Variants in SORCS2 observed in about 807,000 individuals in gnomAD.
SORCS2 encodes VPS10 domain-containing receptor SorCS2.
In SORCS2, 100 loss-of-function variants were observed where a neutral mutation model predicts 141.6. That is an observed-to-expected ratio of 0.71 (90% CI 0.60 to 0.83). The LOEUF (loss-of-function observed/expected upper bound fraction) is 0.83. Among genes scored for constraint, SORCS2 ranks in the 40% least tolerant of loss-of-function variants. The pLI is 0.00. For missense variants in SORCS2, 1,646 were observed against 1,560.2 expected (o/e 1.05, Z -0.93); for synonymous variants, 789 against 676.9 (o/e 1.17, Z -2.57).
rs550797698 is a variant in SORCS2 at position 7,374,598 on chromosome 4, C to T, written c.481-21690C>T. On this transcript the variant is annotated intron_variant, in intron 1 of 26. Transcript: ENST00000507866. ...GCCAAACTCACCTTTGTCTGTGCCACGTCCAGGCCTTGCCCCCATCCTTCC... is the reference window on the plus strand; with the variant it reads ...GCCAAACTCACCTTTGTCTGTGCCATGTCCAGGCCTTGCCCCCATCCTTCC... Among the ~76,000 whole-genome samples, 53 of 152,322 alleles carry T rather than the reference C, an allele frequency of 3.5e-4. 2 individuals carry two copies. In the South Asian group the frequency reaches 5.0e-3, roughly 14 times the overall value.
chr4:7,727,592 C>T (rs1486315828), intron 21 of SORCS2, among the ~76,000 whole-genome samples: 1 of 152,230 alleles, frequency 6.6e-6, no homozygotes, highest in African/African-American at 2.4e-5. Context: ...AGGCCCTTCA[C>T]ACCCTGGAGG....
intron 2 of SORCS2, among the ~76,000 whole-genome samples, chr4:7,466,467 C>T (rs918730564): frequency 6.6e-6 from 1 of 152,164 alleles, no homozygotes; most frequent in African/African-American, 2.4e-5. Flanking sequence ...GCAGGGGGTG[C>T]ATGGAGAGAA....
chr4:7,453,559 G>A (rs1224527765), intron 2 of SORCS2, among the ~76,000 whole-genome samples: 1 of 144,616 alleles, frequency 6.9e-6, no homozygotes, highest in African/African-American at 2.6e-5. Context: ...GCTGTGTGTT[G>A]GGGTCAGCTG....
intron 12 of SORCS2, among the ~76,000 whole-genome samples, chr4:7,697,650 T>C (rs1205435947): frequency 6.6e-6 from 1 of 152,142 alleles, no homozygotes; most frequent in Non-Finnish European, 1.5e-5. Flanking sequence ...ACATGGTGCT[T>C]CTGAGCCTTG....
Position 7,664,303 on chromosome 4 carries a change from C to T in SORCS2, c.953-50C>T. On this transcript the variant is annotated intron_variant, in intron 6 of 26. Coordinates refer to ENST00000507866, the MANE Select transcript of SORCS2 (RefSeq NM_020777.3). This position sits in a 1 kb window ranked among gnomAD's most constrained non-coding sequence, Gnocchi z 4.7. ...GTCCAGCACATGTCTCGGGCCGTCT[C>T]TGGCTCCGGCTGGAGTCTGACCGCC... 2.0e-6 allele frequency: 3 copies of T among 1,507,436 alleles called. No individual in the cohort carries two copies. The highest frequency in any genetic ancestry group is 2.3e-5 in the East Asian group (1 of 43,120). 93.4% of individuals were successfully genotyped at this position (1,507,436 alleles called of 1,614,324 possible). A position where few individuals can be genotyped will look rare whatever the true frequency, so the allele number is the denominator to read the frequency against.
intron 1 of SORCS2, among the ~76,000 whole-genome samples, chr4:7,365,613 G>A (rs1721833178): frequency 6.6e-6 from 1 of 152,204 alleles, no homozygotes; most frequent in South Asian, 2.1e-4. Flanking sequence ...TGCCATCAGT[G>A]TGGAATAAGA....
chr4:7,624,482 A>T (rs1411740800), intron 3 of SORCS2, among the ~76,000 whole-genome samples: 1 of 152,232 alleles, frequency 6.6e-6, no homozygotes, highest in Non-Finnish European at 1.5e-5. Context: ...CAGCAGCCAC[A>T]ATACTATCTT....
chr4:7,394,577 T>G, intron 1 of SORCS2, among the ~76,000 whole-genome samples: 1 of 149,032 alleles, frequency 6.7e-6, no homozygotes. Context: ...AGGCCCCAAA[T>G]GCTGGGGTTT....
intron 2 of SORCS2, among the ~76,000 whole-genome samples, chr4:7,450,508 C>G (rs573980363): frequency 2.1e-3 from 321 of 152,336 alleles, no homozygotes; most frequent in Non-Finnish European, 3.8e-3. Context: ...TGCCCCCATT[C>G]CAGGTCAGGC....
At chr4:7,715,346 C>G in intron 17 of SORCS2, 35 bp downstream of exon 17, 1 of 1,609,782 alleles carries the variant, frequency 6.2e-7, no homozygotes, top group African/African-American at 1.3e-5. Context: ...CTGCCTAAAT[C>G]CGGGGGCAGA....
intron 4 of SORCS2, among the ~76,000 whole-genome samples, chr4:7,641,822 G>T (rs1032557183): frequency 1.6e-4 from 19 of 119,966 alleles, no homozygotes; most frequent in Admixed American, 3.9e-4. Flanking sequence ...GGATGGGTGG[G>T]TGGATGGATG....
chr4:7,318,276 A>T (rs1438952179), intron 1 of SORCS2, among the ~76,000 whole-genome samples: 2 of 152,150 alleles, frequency 1.3e-5, no homozygotes, highest in Non-Finnish European at 2.9e-5. Context: ...TAGGTGCTGC[A>T]CCCTGGTCAC....
chr4:7,510,234 G>A (rs753911971), intron 2 of SORCS2, among the ~76,000 whole-genome samples: 4 of 152,232 alleles, frequency 2.6e-5, no homozygotes, highest in Non-Finnish European at 4.4e-5. Flanking sequence ...GCGGCCGGCG[G>A]GGCTGAGGCT....
intron 2 of SORCS2, among the ~76,000 whole-genome samples, chr4:7,486,481 A>G (rs1577644827): frequency 6.6e-6 from 1 of 151,646 alleles, no homozygotes; most frequent in Non-Finnish European, 1.5e-5. Flanking sequence ...CCATTCAGGG[A>G]CCCTGATGCC....
rs1030062858 is a variant in SORCS2 at position 7,215,821 on chromosome 4, G to A, written c.480+22695G>A. Among the ~76,000 whole-genome samples, 16 of 152,232 alleles carry A rather than the reference G, an allele frequency of 1.1e-4. 1 individual carries two copies. Among genetic ancestry groups the A allele is most frequent in the South Asian group, 4.2e-4 (2 of 4,816 alleles). On this transcript the variant is annotated intron_variant, in intron 1 of 26. Transcript: ENST00000507866. Reference sequence around the variant, plus strand: ...TATCTAACTAATCTGATGGGGACGTGGAGAACCTTTGTATCTAGCTCAGGG... The same window carrying A: ...TATCTAACTAATCTGATGGGGACGTAGAGAACCTTTGTATCTAGCTCAGGG...
At chr4:7,394,556 G>A (rs541864464) in intron 1 of SORCS2, among the ~76,000 whole-genome samples, 17 of 126,198 alleles carry the variant, frequency 1.3e-4, no homozygotes, top group South Asian at 5.9e-4. Context: ...GGTGAGGAAC[G>A]CCTTGTGCAA....
chr4:7,475,211 C>A (rs1007197154), intron 2 of SORCS2, among the ~76,000 whole-genome samples: 2 of 152,112 alleles, frequency 1.3e-5, no homozygotes, highest in Non-Finnish European at 2.9e-5. Context: ...GCCGCCGTGC[C>A]TGGGACTTGG....
intron 1 of SORCS2, among the ~76,000 whole-genome samples, chr4:7,248,330 T>C (rs1577319841): frequency 1.3e-5 from 1 of 76,250 alleles, no homozygotes; most frequent in South Asian, 4.6e-4. Context: ...GGTGTACAGG[T>C]CACCGTGGGG....
At chr4:7,313,641 A>C (rs2108927090) in intron 1 of SORCS2, among the ~76,000 whole-genome samples, 1 of 152,316 alleles carries the variant, frequency 6.6e-6, no homozygotes, top group East Asian at 1.9e-4. Context: ...TCTCTTTTCC[A>C]GAAACTTGCC....
Sources: allele counts gnomAD v4.1 joint callset (sites outside exome capture counted in the v4.1 genomes callset), GRCh38; gene constraint gnomAD v4.1.1; non-coding constraint Gnocchi (gnomAD v3.1); transcripts MANE v1.5; gene names NCBI Gene and HGNC (gene_info 2026-07-23, HGNC 2026-07-21).